FHIT: variants seen among roughly 807,000 people sequenced by gnomAD.
FHIT encodes fragile histidine triad diadenosine triphosphatase.
Under a neutral mutation model 17.9 loss-of-function variants are expected in FHIT, and 19 were observed. The ratio of observed to expected loss-of-function variants is 1.06; its 90% CI spans 0.74 to 1.56. The LOEUF (loss-of-function observed/expected upper bound fraction) is 1.56. Ranked by LOEUF, FHIT falls within the 40% of genes most tolerant of loss-of-function variation. The pLI is 0.00. For synonymous variants in FHIT, 81 were observed against 69.7 expected, an observed-to-expected ratio of 1.16 and a Z score of -0.81; for missense variants, 248 against 189.2, an observed-to-expected ratio of 1.31 and a Z score of -1.82.
chr3:59,804,639 A>G (rs1700124939), intron 8 of FHIT, among the ~76,000 whole-genome samples: 1 of 152,182 alleles, frequency 6.6e-6, no homozygotes, highest in Non-Finnish European at 1.5e-5. Context: ...GAAGAGGATG[A>G]AGTAAAGTTA....
At chr3:61,188,772 T>A (rs1026570138) in intron 2 of FHIT, among the ~76,000 whole-genome samples, 5 of 152,074 alleles carry the variant, frequency 3.3e-5, no homozygotes, top group Non-Finnish European at 7.4e-5. Flanking sequence ...ACAAGGCTGG[T>A]TCAATACACT....
chr3:59,978,026 A>C (rs1254896163), intron 7 of FHIT, among the ~76,000 whole-genome samples: 2 of 152,202 alleles, frequency 1.3e-5, no homozygotes, highest in African/African-American at 2.4e-5. Flanking sequence ...AGCATTTACT[A>C]TGTGCCAAAC....
intron 4 of FHIT, among the ~76,000 whole-genome samples, chr3:60,731,008 G>T (rs1333685258): frequency 6.6e-6 from 1 of 150,868 alleles, no homozygotes; most frequent in African/African-American, 2.4e-5. Flanking sequence ...GCACGCGCCC[G>T]TAATCCCAGC....
chr3:59,806,151 A>G (rs1029687417), intron 8 of FHIT, among the ~76,000 whole-genome samples: 6 of 151,294 alleles, frequency 4.0e-5, no homozygotes, highest in Non-Finnish European at 8.8e-5. Context: ...GCTGCACTCC[A>G]GCCTGGGAGA....
chr3:59,812,929 T>C (rs1030025303), intron 8 of FHIT, among the ~76,000 whole-genome samples: 5 of 152,168 alleles, frequency 3.3e-5, no homozygotes, highest in Admixed American at 2.6e-4. Context: ...GTAATTAAAT[T>C]ACACCACATT....
intron 5 of FHIT, among the ~76,000 whole-genome samples, chr3:60,493,810 G>C (rs73100291): frequency 6.6e-6 from 1 of 152,022 alleles, no homozygotes; most frequent in Non-Finnish European, 1.5e-5. Context: ...TATTCCAAGG[G>C]AAAATTATTA....
chr3:60,323,815 C>T (rs1207446344), intron 5 of FHIT, among the ~76,000 whole-genome samples: 1 of 152,200 alleles, frequency 6.6e-6, no homozygotes, highest in Non-Finnish European at 1.5e-5. Context: ...TAAACTGTAG[C>T]CGGAAGGGAT....
intron 3 of FHIT, among the ~76,000 whole-genome samples, chr3:60,834,881 G>GAAA (rs71092645): frequency 8.5e-5 from 8 of 94,496 alleles, no homozygotes; most frequent in Non-Finnish European, 8.9e-5. Flanking sequence ...GAAAAGAAAA[G>GAAA]AAAAAAAAAA....
chr3:60,681,530 G>A (rs1360528907), intron 4 of FHIT, among the ~76,000 whole-genome samples: 1 of 152,208 alleles, frequency 6.6e-6, no homozygotes, highest in African/African-American at 2.4e-5. Context: ...AGGAAGGCAT[G>A]TCAAAAGCTG....
chr3:60,544,050 G>A (rs1049475465), intron 4 of FHIT, among the ~76,000 whole-genome samples: 4 of 151,252 alleles, frequency 2.6e-5, no homozygotes, highest in African/African-American at 7.3e-5. Flanking sequence ...GAGCCACCGC[G>A]CCCGGACTTC....
chr3:61,074,588 G>A (rs1481296936), intron 2 of FHIT, among the ~76,000 whole-genome samples: 1 of 152,164 alleles, frequency 6.6e-6, no homozygotes, highest in Non-Finnish European at 1.5e-5. Context: ...ACAAATGGCT[G>A]GGGCTGAGTT....
chr3:60,882,046 AAG>A (rs1488925492), intron 3 of FHIT, among the ~76,000 whole-genome samples: 13 of 152,098 alleles, frequency 8.5e-5, no homozygotes, highest in Non-Finnish European at 1.9e-4. Flanking sequence ...TAGAAACAAA[AAG>A]AGAGACCTTA....
At chr3:60,764,402 A>C (rs1699776845) in intron 4 of FHIT, among the ~76,000 whole-genome samples, 1 of 152,182 alleles carries the variant, frequency 6.6e-6, no homozygotes, top group African/African-American at 2.4e-5. Context: ...GGATTTCCTC[A>C]GCTGTAGGTG....
At chr3:60,593,172 T>C (rs1022578911) in intron 4 of FHIT, among the ~76,000 whole-genome samples, 2 of 152,136 alleles carry the variant, frequency 1.3e-5, no homozygotes, top group Non-Finnish European at 2.9e-5. Context: ...TAATCTTCTA[T>C]TGGTTAAACT....
chr3:60,861,464 G>A (rs541667680), intron 3 of FHIT, among the ~76,000 whole-genome samples: 237 of 151,002 alleles, frequency 1.6e-3, no homozygotes, highest in Non-Finnish European at 2.9e-3. Context: ...CTAGATGCCA[G>A]TAGTAACCTC....
chr3:60,732,607 A>G, intron 4 of FHIT: 1 of 552,050 alleles, frequency 1.8e-6, no homozygotes, highest in East Asian at 4.3e-5. Context: ...TGTCAATGGC[A>G]ATGTGGAAGT....
chr3:60,136,647 T>A (rs116191320), intron 5 of FHIT, among the ~76,000 whole-genome samples: 24,117 of 151,880 alleles, frequency 0.16, 3,162 homozygotes, highest in African/African-American at 0.36. Context: ...TGATGCTTCC[T>A]TACCTTACCT....
At chr3:60,786,181 C>T (rs17063990) in intron 4 of FHIT, among the ~76,000 whole-genome samples, 19,556 of 152,108 alleles carry the variant, frequency 0.13, 1,818 homozygotes, top group African/African-American at 0.26. Context: ...TTCCTAACAA[C>T]TTGAACTTAG....
rs892024064 is a variant in FHIT, at chr3:60,259,096, T to A, written c.104-244944A>T. 4.6e-5 allele frequency among the ~76,000 whole-genome samples: 7 copies of A among 151,798 alleles called. 1 individual carries two copies. On this transcript the variant is annotated intron_variant, in intron 5 of 9. Transcript: ENST00000492590. The stretch of plus-strand genomic sequence containing the variant: ...CTACCTTGATGTGGTTCCGAAAGAT[T>A]TTTTTCACCTGTCCCCATTTAAAAT...
Sources: allele counts gnomAD v4.1 joint callset (sites outside exome capture counted in the v4.1 genomes callset), GRCh38; gene constraint gnomAD v4.1.1; transcripts MANE v1.5; gene names NCBI Gene and HGNC (gene_info 2026-07-23, HGNC 2026-07-21).